The following NUFIP2 variants were observed in gnomAD, a reference collection of about 807,000 sequenced individuals.
NUFIP2 encodes the protein nuclear FMR1 interacting protein 2, also known as FMR1-interacting protein NUFIP2.
A neutral mutation model predicts 56.9 loss-of-function variants in NUFIP2; 6 were observed. The ratio of observed to expected loss-of-function variants is 0.11; its 90% CI spans 0.06 to 0.21. NUFIP2 has a LOEUF of 0.21. Among genes scored for constraint, NUFIP2 ranks in the 10% least tolerant of loss-of-function variants. The pLI is 1.00. For missense variants in NUFIP2, 828 were observed against 826.8 expected (o/e 1.00, Z -0.02); for synonymous variants, 321 against 298.2 (o/e 1.08, Z -0.79).
chr17:29,269,634 T>G lies in NUFIP2; in HGVS notation c.2003-2104A>C, dbSNP rs990314961. On this transcript the variant is annotated intron_variant, in intron 2 of 3. Transcript: ENST00000225388. ...AGCAATCCTGCCTCAGCCTCCCAGG[T>G]AGCTGGGACCACAGACACATGCCAT... Among the ~76,000 whole-genome samples the G allele has an allele frequency of 2.0e-5, 3 of 151,800 alleles. No individual in the cohort carries two copies. The South Asian group carries it at 6.2e-4, about 32-fold the overall frequency.
chr17:29,271,020 AAAC>A (rs1215305515), intron 2 of NUFIP2, among the ~76,000 whole-genome samples: 1 of 152,196 alleles, frequency 6.6e-6, no homozygotes. Flanking sequence ...AAAGAAGGCA[AAAC>A]AACTATTTGC....
intron 2 of NUFIP2, 71 bp downstream of exon 2, chr17:29,285,910 TAATTCTCTTAA>T (rs1311238360): frequency 7.3e-6 from 8 of 1,096,372 alleles, no homozygotes; most frequent in East Asian, 2.6e-5. Flanking sequence ...TATGAACAAC[TAATTCTCTTAA>T]AATTCTCTTA....
At chr17:29,267,252 C>G (rs1162363262) in intron 3 of NUFIP2, among the ~76,000 whole-genome samples, 5 of 150,130 alleles carry the variant, frequency 3.3e-5, no homozygotes, top group African/African-American at 1.2e-4. Context: ...CGGGGTCTGG[C>G]TATGCTGCCC....
In NUFIP2 at chr17:29,259,832, C is replaced by T. The variant is rs1359988396; in HGVS notation, c.*4707G>A. ...AAAATTCTATTCGCACTATTGCTGG[C>T]ATCCTTTAACTACTTTAAGACCTTT... is the stretch of plus-strand genomic sequence containing the variant. On this transcript the variant is annotated 3_prime_UTR_variant, in exon 4 of 4. Transcript: ENST00000225388. The T allele has an allele frequency of 2.0e-5, 3 of 152,252 alleles. No homozygotes were observed. The highest frequency in any genetic ancestry group is 3.4e-3 in the Middle Eastern group (1 of 294). The allele number at this position is 152,252 out of a possible 1,614,324, so 9.4% of individuals were successfully genotyped here.
intron 2 of NUFIP2, among the ~76,000 whole-genome samples, chr17:29,279,498 T>C (rs2069127557): frequency 6.6e-6 from 1 of 152,186 alleles, no homozygotes; most frequent in Non-Finnish European, 1.5e-5. Flanking sequence ...CATATTAATC[T>C]ACCTCAACAC....
intron 2 of NUFIP2, among the ~76,000 whole-genome samples, chr17:29,284,764 G>GA (rs1312160175): frequency 1.4e-5 from 2 of 147,576 alleles, no homozygotes; most frequent in African/African-American, 5.0e-5. Flanking sequence ...CGTGAAACTT[G>GA]AAAGATACCT....
At chr17:29,280,940 G>A (rs918594204) in intron 2 of NUFIP2, among the ~76,000 whole-genome samples, 6 of 149,068 alleles carry the variant, frequency 4.0e-5, no homozygotes, top group Admixed American at 2.7e-4. Flanking sequence ...AGCCAAGATC[G>A]CACCATTGTA....
intron 2 of NUFIP2, among the ~76,000 whole-genome samples, chr17:29,274,696 TA>T (rs2069096696): frequency 6.6e-6 from 1 of 152,174 alleles, no homozygotes; most frequent in Admixed American, 6.6e-5. Flanking sequence ...TATTTCATTA[TA>T]TAGGTGAAGG....
In NUFIP2 at chr17:29,286,835, T is replaced by C. The variant is rs752152125; in HGVS notation, c.1159A>G (p.Thr387Ala). Reference sequence around the variant, plus strand: ...GATGATTGGGTCTGAGTTTCCCCGGTAGATGATGAAGATGATGAAGATGAA... The same window carrying C: ...GATGATTGGGTCTGAGTTTCCCCGGCAGATGATGAAGATGATGAAGATGAA... ...PTSSSSSSSS[T>A]GETQTQSSSR... The change falls in exon 2 of 4, where the codon ACC becomes GCC. Residue 387 changes from threonine to alanine, a missense_variant. By Grantham distance (58) the Thr-to-Ala change is moderately conservative (BLOSUM62 0). Coordinates refer to ENST00000225388, the MANE Select transcript of NUFIP2 (RefSeq NM_020772.3). 4 of 1,614,118 alleles carry C rather than the reference T, an allele frequency of 2.5e-6. No homozygotes were observed. The South Asian group carries it at 3.3e-5, about 13-fold the overall frequency.
Position 29,259,269 on chromosome 17 carries a change from A to G in NUFIP2, c.*5270T>C. 1 of 152,210 alleles carries G rather than the reference A, an allele frequency of 6.6e-6. No homozygotes were observed. The highest frequency in any genetic ancestry group is 6.5e-5 in the Admixed American group (1 of 15,280). 9.4% of individuals were successfully genotyped at this position (152,210 alleles called of 1,614,324 possible). ...AATTGGAAAATAAATGTTTGTAGTT[A>G]GTTTAATAAGGCTGTAGAAAAGAGA... On this transcript the variant is annotated 3_prime_UTR_variant, in exon 4 of 4. Coordinates refer to ENST00000225388, the MANE Select transcript of NUFIP2 (RefSeq NM_020772.3).
At chr17:29,273,698 A>C (rs1400427250) in intron 2 of NUFIP2, among the ~76,000 whole-genome samples, 1 of 152,226 alleles carries the variant, frequency 6.6e-6, no homozygotes, top group Non-Finnish European at 1.5e-5. Flanking sequence ...ATAGAACCTA[A>C]GTAAAAGTTT....
intron 2 of NUFIP2, among the ~76,000 whole-genome samples, chr17:29,269,550 A>G (rs1029757710): frequency 6.6e-6 from 1 of 150,852 alleles, no homozygotes; most frequent in African/African-American, 2.4e-5. Flanking sequence ...GCTCTATAGC[A>G]CAGGCTGGAG....
chr17:29,278,304 T>C (rs1407065496), intron 2 of NUFIP2, among the ~76,000 whole-genome samples: 1 of 151,728 alleles, frequency 6.6e-6, no homozygotes, highest in Non-Finnish European at 1.5e-5. Flanking sequence ...TAGACTGCAG[T>C]GGCGCGATCT....
intron 1 of NUFIP2, among the ~76,000 whole-genome samples, chr17:29,287,933 C>A (rs1277713323): frequency 2.6e-5 from 4 of 152,182 alleles, no homozygotes; most frequent in African/African-American, 4.8e-5. Context: ...TAGAACTCAG[C>A]GAAGATTCAA....
chr17:29,287,750 AAT>A (rs1312751075), intron 1 of NUFIP2, 34 bp from the exon 2 acceptor site: 1 of 1,538,326 alleles, frequency 6.5e-7, no homozygotes, highest in South Asian at 1.2e-5. Context: ...TAAAAAAAAA[AAT>A]CACAACATGT....
intron 2 of NUFIP2, among the ~76,000 whole-genome samples, chr17:29,274,572 T>G (rs535817807): frequency 6.6e-6 from 1 of 152,286 alleles, no homozygotes; most frequent in East Asian, 1.9e-4. Context: ...AACCAAGTAT[T>G]GAGTGGTTGC....
chr17:29,278,017 G>A (rs1237444525), intron 2 of NUFIP2, among the ~76,000 whole-genome samples: 8 of 151,980 alleles, frequency 5.3e-5, no homozygotes, highest in Non-Finnish European at 7.4e-5. Context: ...AATCAAAAAG[G>A]GAAAGGGAAA....
rs140763201 is a variant in NUFIP2 at position 29,286,267 on chromosome 17, A to C, written c.1727T>G (p.Leu576Arg). The C allele has an allele frequency of 1.2e-5, 19 of 1,614,110 alleles. No homozygotes were observed. The African/African-American group carries it at 2.3e-4, about 19-fold the overall frequency. Reference protein sequence around the residue: ...ELEKRTSPQVLGSILKSGTTS... With the variant: ...ELEKRTSPQVRGSILKSGTTS... ...AGTCCCAGATTTTAGAATGCTACCC[A>C]GAACTTGAGGACTAGTCCGTTTCTC... The change falls in exon 2 of 4, where the codon CTG becomes CGG. Residue 576 changes from leucine to arginine, a missense_variant. Leu to Arg is a moderately radical substitution (Grantham distance 102). Transcript: ENST00000225388.
chr17:29,287,047 T>G lies in NUFIP2; in HGVS notation c.947A>C (p.Asp316Ala). Residue 316 changes from aspartate (D) to alanine (A), a missense_variant, in exon 2 of 4, where the codon GAT becomes GCT. This residue lies in a region of NUFIP2 where 415 missense variants were observed against 408.7 expected (regional missense o/e 1.02). Coordinates refer to ENST00000225388, the MANE Select transcript of NUFIP2 (RefSeq NM_020772.3). ...AGCATGCTTTCCTTTGGGCCGATCA[T>G]CAAACTTTTTGCTGCTCACACCAGG... ...SKPGVSSKKF[D>A]DRPKGKHASA... is the part of the protein sequence containing the mutation. The G allele has an allele frequency of 6.2e-7, 1 of 1,614,186 alleles. No homozygotes were observed. Among genetic ancestry groups the G allele is most frequent in the Non-Finnish European group, 8.5e-7 (1 of 1,180,032 alleles).
Sources: allele counts gnomAD v4.1 joint callset (sites outside exome capture counted in the v4.1 genomes callset), GRCh38; gene constraint gnomAD v4.1.1; regional missense constraint gnomAD v4.1.1; transcripts MANE v1.5; gene names NCBI Gene and HGNC (gene_info 2026-07-23, HGNC 2026-07-21).